The following MGME1 variants were observed in gnomAD, a reference collection of about 807,000 sequenced individuals.
MGME1 encodes mitochondrial genome maintenance exonuclease 1, also known as chromosome 20 open reading frame 72.
MGME1 carries 22 observed loss-of-function variants against 33.0 expected under a neutral mutation model. The ratio of observed to expected loss-of-function variants is 0.67; its 90% CI spans 0.48 to 0.95. The LOEUF is 0.95. MGME1 is among the 40% of genes least tolerant of loss of function. The pLI, the probability that MGME1 is intolerant of heterozygous loss-of-function variation, is 0.00. For missense variants in MGME1, 383 were observed against 397.8 expected, an observed-to-expected ratio of 0.96 and a Z score of 0.32; for synonymous variants, 133 against 144.0, an observed-to-expected ratio of 0.92 and a Z score of 0.55.
chr20:17,975,562 A>G (rs2035841742), intron 2 of MGME1, 122 bp from the exon 3 acceptor site: 1 of 789,768 alleles, frequency 1.3e-6, no homozygotes, highest in Non-Finnish European at 2.0e-6. Flanking sequence ...TCCAAAAAAA[A>G]AAAAAAGAAA....
rs2036206297 is a variant in MGME1 at position 17,988,324 on chromosome 20, A to C, written c.864+26A>C. The C allele has an allele frequency of 1.9e-6, 3 of 1,607,962 alleles. No individual in the cohort carries two copies. The African/African-American group carries it at 4.0e-5, about 22-fold the overall frequency. ...GTCAGGACACTGAGCCTTTACTTAAAGCTTTGCTCAATGCTTACTTAAAAC... is the reference window on the plus strand; with the variant it reads ...GTCAGGACACTGAGCCTTTACTTAACGCTTTGCTCAATGCTTACTTAAAAC... On this transcript the variant is annotated intron_variant, in intron 4 of 4. Transcript: ENST00000377710.
chr20:17,987,173 A>G (rs77795165), intron 3 of MGME1, among the ~76,000 whole-genome samples: 1 of 83,200 alleles, frequency 1.2e-5, no homozygotes, highest in South Asian at 6.2e-4. Context: ...CTCCATCTAA[A>G]AAAAAAAAAA....
intron 4 of MGME1, among the ~76,000 whole-genome samples, chr20:17,989,296 G>T (rs1390008440): frequency 1.3e-5 from 2 of 151,970 alleles, no homozygotes; most frequent in Non-Finnish European, 2.9e-5. Context: ...TGAGGCAGGA[G>T]AATCGCTTGA....
At chr20:17,978,763 G>GT (rs988643385) in intron 3 of MGME1, among the ~76,000 whole-genome samples, 78 of 150,928 alleles carry the variant, frequency 5.2e-4, no homozygotes, top group South Asian at 2.5e-3. Context: ...TGAAACTACG[G>GT]TTTTTTTTTG....
intron 1 of MGME1, 81 bp from the exon 2 acceptor site, chr20:17,969,720 A>C: frequency 1.2e-6 from 1 of 867,250 alleles, no homozygotes; most frequent in Non-Finnish European, 1.7e-6. Flanking sequence ...CTGTCCAAAC[A>C]TGTCGAAAAA....
intron 3 of MGME1, among the ~76,000 whole-genome samples, chr20:17,977,026 A>T (rs1156415457): frequency 1.3e-5 from 2 of 152,000 alleles, no homozygotes; most frequent in Non-Finnish European, 2.9e-5. Flanking sequence ...CAAGTGTTAC[A>T]GGAAAGGGGT....
At chr20:17,973,742 T>G (rs2035787165) in intron 2 of MGME1, among the ~76,000 whole-genome samples, 1 of 152,226 alleles carries the variant, frequency 6.6e-6, no homozygotes, top group African/African-American at 2.4e-5. Context: ...TCTGTTTCTC[T>G]GAGTATCTAA....
At position 17,969,038 on chromosome 20, in the gene MGME1, T is replaced by G. The variant is rs181008776; in HGVS notation, c.-163T>G. ...GGGGCATTCTGGACCTGCTTTGCCT[T>G]AGGCTGTGCCTAATTCGAAACCAAA... On this transcript the variant is annotated 5_prime_UTR_variant, in exon 1 of 5. Coordinates refer to ENST00000377710, the MANE Select transcript of MGME1 (RefSeq NM_052865.4). 1.3e-5 allele frequency: 2 copies of G among 152,964 alleles called. No homozygotes were observed. Among genetic ancestry groups the G allele is most frequent in the Admixed American group, 1.3e-4 (2 of 15,316 alleles). 9.5% of individuals were successfully genotyped at this position (152,964 alleles called of 1,614,324 possible). A position where few individuals can be genotyped will look rare whatever the true frequency, so the allele number is the denominator to read the frequency against.
At chr20:17,982,763 ATGT>A (rs1056170802) in intron 3 of MGME1, among the ~76,000 whole-genome samples, 8 of 152,178 alleles carry the variant, frequency 5.3e-5, no homozygotes, top group African/African-American at 1.9e-4. Context: ...CGCTACTATG[ATGT>A]TAAAAAATGT....
intron 3 of MGME1, among the ~76,000 whole-genome samples, chr20:17,986,111 C>T (rs1436719487): frequency 6.6e-6 from 1 of 151,972 alleles, no homozygotes; most frequent in Non-Finnish European, 1.5e-5. Flanking sequence ...CCTTGTCGCC[C>T]AGGCTGCAGT....
chr20:17,989,850 T>C, intron 4 of MGME1, 89 bp from the exon 5 acceptor site: 1 of 1,207,154 alleles, frequency 8.3e-7, no homozygotes, highest in South Asian at 1.4e-5. Context: ...GATTATTTTA[T>C]ACTGAGTTTG....
At chr20:17,978,798 CAG>C (rs2035932032) in intron 3 of MGME1, among the ~76,000 whole-genome samples, 1 of 151,902 alleles carries the variant, frequency 6.6e-6, no homozygotes, top group African/African-American at 2.4e-5. Context: ...GTTTTTGAGA[CAG>C]AGTCTTGCTC....
At chr20:17,984,753 G>A (rs561777171) in intron 3 of MGME1, among the ~76,000 whole-genome samples, 16 of 152,184 alleles carry the variant, frequency 1.1e-4, no homozygotes, top group South Asian at 1.0e-3. Flanking sequence ...TCAAAAAAGA[G>A]GCCGGGGCAT....
chr20:17,974,063 T>TG (rs2035797533), intron 2 of MGME1, among the ~76,000 whole-genome samples: 34 of 37,120 alleles, frequency 9.2e-4, no homozygotes, highest in African/African-American at 2.7e-3. Flanking sequence ...CTTTGTGTGT[T>TG]TTTTTTTTTT....
At chr20:17,972,224 ATTT>A (rs956800708) in intron 2 of MGME1, among the ~76,000 whole-genome samples, 1 of 152,190 alleles carries the variant, frequency 6.6e-6, no homozygotes, top group Admixed American at 6.5e-5. Context: ...AATTAAGAAG[ATTT>A]TTTTAATGAA....
At chr20:17,975,954 T>G (rs377213315) in intron 3 of MGME1, 51 bp downstream of exon 3, 363 of 1,399,254 alleles carry the variant, frequency 2.6e-4, no homozygotes, top group Non-Finnish European at 3.4e-4. Context: ...AGATGGTGCC[T>G]GTCAAAGGTG....
Position 17,990,919 on chromosome 20 carries a change from A to G in MGME1, c.*810A>G, listed in dbSNP as rs1021156996. ...GAACTATTAAAATCCATTTGTTTCT[A>G]TTCAATAGGTAATAAAAATTAGTTG... On this transcript the variant is annotated 3_prime_UTR_variant, in exon 5 of 5. Coordinates refer to ENST00000377710, the MANE Select transcript of MGME1 (RefSeq NM_052865.4). 7 of 152,150 alleles carry G rather than the reference A, an allele frequency of 4.6e-5. No individual in the cohort carries two copies. The highest frequency in any genetic ancestry group is 1.7e-4 in the African/African-American group (7 of 41,442). The allele number at this position is 152,150 out of a possible 1,614,324, so 9.4% of individuals were successfully genotyped here.
At chr20:17,989,357 G>T (rs1409380602) in intron 4 of MGME1, among the ~76,000 whole-genome samples, 2 of 151,592 alleles carry the variant, frequency 1.3e-5, no homozygotes, top group East Asian at 3.9e-4. Context: ...CTGCACTCCA[G>T]CCTGGGCAAC....
chr20:17,978,179 G>GT (rs982585236), intron 3 of MGME1, among the ~76,000 whole-genome samples: 6 of 152,070 alleles, frequency 3.9e-5, no homozygotes, highest in Non-Finnish European at 5.9e-5. Flanking sequence ...TCTGAAAACT[G>GT]TTTAGACCAC....
Sources: allele counts gnomAD v4.1 joint callset (sites outside exome capture counted in the v4.1 genomes callset), GRCh38; gene constraint gnomAD v4.1.1; transcripts MANE v1.5; gene names NCBI Gene and HGNC (gene_info 2026-07-23, HGNC 2026-07-21).